Variants in OXR1 observed in about 807,000 individuals in gnomAD.
OXR1 encodes oxidation resistance 1.
Under a neutral mutation model 104.6 loss-of-function variants are expected in OXR1, and 41 were observed. The ratio of observed to expected loss-of-function variants is 0.39; its 90% CI spans 0.31 to 0.51. The LOEUF is 0.51. OXR1 is among the 20% of genes least tolerant of loss of function. The probability of loss-of-function intolerance (pLI) is 0.77; values close to 1 mark genes in which losing one functional copy is unlikely to be tolerated. For missense variants in OXR1, 955 were observed against 1,031.9 expected (o/e 0.93, Z 1.02); for synonymous variants, 348 against 348.4 (o/e 1.00, Z 0.01).
intron 2 of OXR1, among the ~76,000 whole-genome samples, chr8:106,491,704 AG>A: frequency 6.6e-6 from 1 of 152,306 alleles, no homozygotes; most frequent in East Asian, 1.9e-4. Context: ...AACCACCTCC[AG>A]GGGCACATGG....
chr8:106,668,677 C>T (rs1408711720), intron 3 of OXR1, among the ~76,000 whole-genome samples: 3 of 152,126 alleles, frequency 2.0e-5, no homozygotes, highest in Admixed American at 1.3e-4. Context: ...TATTCCTCAA[C>T]AGGAAGGAAT....
At chr8:106,559,936 G>T (rs1355861267) in intron 3 of OXR1, among the ~76,000 whole-genome samples, 2 of 152,174 alleles carry the variant, frequency 1.3e-5, no homozygotes, top group Non-Finnish European at 2.9e-5. Context: ...AATTATATTT[G>T]TCAAGTGGGA....
intron 3 of OXR1, among the ~76,000 whole-genome samples, chr8:106,654,893 T>C (rs193261731): frequency 1.2e-4 from 19 of 152,250 alleles, no homozygotes; most frequent in Admixed American, 7.9e-4. Context: ...AGCTGCAAGG[T>C]ATGAACAATC....
intron 3 of OXR1, among the ~76,000 whole-genome samples, chr8:106,579,316 T>G (rs3101541): frequency 0.44 from 67,298 of 151,920 alleles, 15,351 homozygotes; most frequent in Middle Eastern, 0.54. Context: ...ATCCCTGATT[T>G]GCCTCAAACT....
intron 11 of OXR1, among the ~76,000 whole-genome samples, chr8:106,715,918 A>G (rs1424736543): frequency 6.6e-6 from 1 of 152,214 alleles, no homozygotes; most frequent in Non-Finnish European, 1.5e-5. Context: ...ATAATTTTGG[A>G]AACTCCTTGC....
chr8:106,398,366 G>A (rs1390768766), intron 2 of OXR1, among the ~76,000 whole-genome samples: 2 of 152,126 alleles, frequency 1.3e-5, no homozygotes, highest in Non-Finnish European at 2.9e-5. Context: ...CTGGGCATCA[G>A]AGTGTTTAAA....
At chr8:106,643,309 A>C (rs1374214353) in intron 3 of OXR1, among the ~76,000 whole-genome samples, 2 of 152,172 alleles carry the variant, frequency 1.3e-5, no homozygotes, top group Non-Finnish European at 2.9e-5. Context: ...ATGAATGGGC[A>C]TGGCTGTGTT....
At chr8:106,341,156 A>T (rs998627119) in intron 1 of OXR1, among the ~76,000 whole-genome samples, 8 of 152,108 alleles carry the variant, frequency 5.3e-5, no homozygotes, top group African/African-American at 1.9e-4. Flanking sequence ...TATATAGTTT[A>T]TTTTATAGCC....
At chr8:106,699,426 CT>C (rs1830390955) in intron 7 of OXR1, among the ~76,000 whole-genome samples, 1 of 152,144 alleles carries the variant, frequency 6.6e-6, no homozygotes, top group Non-Finnish European at 1.5e-5. Context: ...GGACTGGAAA[CT>C]TTCTCCACTC....
At chr8:106,418,533 A>T (rs1419904170) in intron 2 of OXR1, among the ~76,000 whole-genome samples, 1 of 151,160 alleles carries the variant, frequency 6.6e-6, no homozygotes, top group Non-Finnish European at 1.5e-5. Context: ...TTTGTTGGTC[A>T]TTTTTTTTTA....
chr8:106,434,161 A>T (rs903992968), intron 2 of OXR1, among the ~76,000 whole-genome samples: 4 of 152,258 alleles, frequency 2.6e-5, no homozygotes, highest in Middle Eastern at 3.4e-3. Context: ...CTAGAAAATA[A>T]TGTTACCCAT....
At chr8:106,408,134 C>A (rs1010170360) in intron 2 of OXR1, among the ~76,000 whole-genome samples, 2 of 152,154 alleles carry the variant, frequency 1.3e-5, no homozygotes, top group African/African-American at 4.8e-5. Flanking sequence ...AATCATCGAT[C>A]CCCAAATAGC....
At chr8:106,631,702 A>G (rs1334725806) in intron 3 of OXR1, among the ~76,000 whole-genome samples, 1 of 152,222 alleles carries the variant, frequency 6.6e-6, no homozygotes, top group Non-Finnish European at 1.5e-5. Flanking sequence ...AATGGTTACT[A>G]TATGCCAATA....
chr8:106,671,949 C>T (rs909135113), intron 3 of OXR1, among the ~76,000 whole-genome samples: 1 of 140,586 alleles, frequency 7.1e-6, no homozygotes, highest in South Asian at 2.3e-4. Flanking sequence ...GCACATGTAC[C>T]CTAGAACTTA....
chr8:106,605,035 C>G (rs1302194431), intron 3 of OXR1: 1 of 152,178 alleles, frequency 6.6e-6, no homozygotes, highest in Non-Finnish European at 1.5e-5. Flanking sequence ...ACATAATGCT[C>G]TCTTCAACTT....
intron 3 of OXR1, among the ~76,000 whole-genome samples, chr8:106,653,596 T>C (rs1824806616): frequency 6.6e-6 from 1 of 152,016 alleles, no homozygotes; most frequent in African/African-American, 2.4e-5. Context: ...TGGTGCTTCC[T>C]AAACTAGAGT....
chr8:106,608,497 G>C (rs1240105026), intron 3 of OXR1, among the ~76,000 whole-genome samples: 2 of 152,124 alleles, frequency 1.3e-5, no homozygotes, highest in African/African-American at 4.8e-5. Flanking sequence ...ATCTAGTACT[G>C]TCAGACATCT....
intron 2 of OXR1, among the ~76,000 whole-genome samples, chr8:106,415,310 T>A (rs556390653): frequency 6.6e-6 from 1 of 152,274 alleles, no homozygotes; most frequent in African/African-American, 2.4e-5. Context: ...TTTTTATTGG[T>A]ATTAATAGGC....
At chr8:106,649,210 A>T (rs1824336736) in intron 3 of OXR1, among the ~76,000 whole-genome samples, 1 of 152,102 alleles carries the variant, frequency 6.6e-6, no homozygotes, top group South Asian at 2.1e-4. Context: ...ATCTCAAACA[A>T]GAAAACAACA....
Sources: gnomAD v4.1 joint callset for allele counts (sites outside exome capture counted in the v4.1 genomes callset) on GRCh38, gnomAD v4.1.1 for gene constraint, MANE v1.5 for transcripts, NCBI Gene and HGNC (gene_info 2026-07-23, HGNC 2026-07-21) for gene names.